Variants in ZNF827 observed in about 807,000 individuals in gnomAD.
ZNF827 encodes the protein zinc finger protein 827.
Under a neutral mutation model 102.4 loss-of-function variants are expected in ZNF827, and 13 were observed. The observed-to-expected ratio is 0.13, with a 90% CI of 0.08 to 0.20. The LOEUF (loss-of-function observed/expected upper bound fraction) is 0.20. Ranked by LOEUF, ZNF827 falls within the 10% of genes least tolerant of loss-of-function variation. ZNF827 has a pLI of 1.00. For missense variants in ZNF827, 1,103 were observed against 1,344.4 expected (o/e 0.82, Z 2.81); for synonymous variants, 523 against 536.2 (o/e 0.98, Z 0.34).
At chr4:145,785,554 C>G (rs896633489) in intron 8 of ZNF827, among the ~76,000 whole-genome samples, 35 of 152,088 alleles carry the variant, frequency 2.3e-4, no homozygotes, top group African/African-American at 8.5e-4. Context: ...AACTGTTGCC[C>G]AAGGTTGGGC....
chr4:145,859,652 T>A (rs947152636), intron 5 of ZNF827, among the ~76,000 whole-genome samples: 11 of 152,220 alleles, frequency 7.2e-5, no homozygotes, highest in African/African-American at 2.7e-4. Flanking sequence ...ACAAGTAGTG[T>A]AAGCGACTCA....
intron 1 of ZNF827, among the ~76,000 whole-genome samples, chr4:145,932,597 G>C (rs953978097): frequency 2.0e-5 from 3 of 151,524 alleles, no homozygotes; most frequent in Admixed American, 1.3e-4. Flanking sequence ...GCCTCAGCCT[G>C]CCGAGTAGCT....
chr4:145,802,039 C>A (rs768483019), intron 8 of ZNF827, among the ~76,000 whole-genome samples: 1 of 152,008 alleles, frequency 6.6e-6, no homozygotes, highest in Non-Finnish European at 1.5e-5. Flanking sequence ...TCTAATACAC[C>A]GAATAAGAAT....
chr4:145,903,728 G>A (rs974403294), intron 1 of ZNF827, among the ~76,000 whole-genome samples: 3 of 152,122 alleles, frequency 2.0e-5, no homozygotes, highest in African/African-American at 7.2e-5. Context: ...AATATAAGAT[G>A]CAATTCATTT....
intron 1 of ZNF827, among the ~76,000 whole-genome samples, chr4:145,932,655 T>C (rs1753897615): frequency 6.6e-6 from 1 of 152,156 alleles, no homozygotes; most frequent in Non-Finnish European, 1.5e-5. Flanking sequence ...TTTGTGTTTT[T>C]AGTAGAGACG....
chr4:145,858,405 G>T (rs1241141937), intron 5 of ZNF827, among the ~76,000 whole-genome samples: 2 of 152,172 alleles, frequency 1.3e-5, no homozygotes, highest in Non-Finnish European at 2.9e-5. Flanking sequence ...GGCAAAGTGG[G>T]AGGACTGCTT....
chr4:145,916,363 T>G (rs1427100601), intron 1 of ZNF827, among the ~76,000 whole-genome samples: 7 of 152,138 alleles, frequency 4.6e-5, no homozygotes, highest in Non-Finnish European at 1.0e-4. Context: ...CTGTGACACC[T>G]GGGGTGAACT....
chr4:145,933,038 A>G (rs1300382888), intron 1 of ZNF827, among the ~76,000 whole-genome samples: 1 of 152,224 alleles, frequency 6.6e-6, no homozygotes, highest in Admixed American at 6.5e-5. Context: ...GTGCAGCAAG[A>G]CTTGTCAACT....
At chr4:145,888,839 A>G (rs10003835) in intron 3 of ZNF827, among the ~76,000 whole-genome samples, 68,127 of 151,746 alleles carry the variant, frequency 0.45, 15,490 homozygotes, top group Admixed American at 0.54. Context: ...AGATAACCCC[A>G]AGGAAATCTG....
intron 1 of ZNF827, among the ~76,000 whole-genome samples, chr4:145,916,448 G>A (rs1406779003): frequency 1.3e-5 from 2 of 152,184 alleles, no homozygotes; most frequent in Non-Finnish European, 2.9e-5. Flanking sequence ...AGTGTCTCAA[G>A]GGCACCCGAG....
intron 1 of ZNF827, among the ~76,000 whole-genome samples, chr4:145,926,749 A>C (rs1369376970): frequency 6.6e-6 from 1 of 152,160 alleles, no homozygotes; most frequent in Admixed American, 6.5e-5. Flanking sequence ...TTAATAGTTA[A>C]TATTTGTGTT....
Position 145,900,598 on chromosome 4 carries a change from C to T in ZNF827, c.1093+1568G>A, listed in dbSNP as rs189832386. Among the ~76,000 whole-genome samples the T allele has an allele frequency of 1.9e-4, 29 of 151,948 alleles. No homozygotes were observed. The East Asian group carries it at 4.7e-3, about 24-fold the overall frequency. ...TTAATTTTTGTATTTTTAGTAGAGACGGAGTTTCACCATATTGGTCAGGAT... is the reference window on the plus strand; with the variant it reads ...TTAATTTTTGTATTTTTAGTAGAGATGGAGTTTCACCATATTGGTCAGGAT... On this transcript the variant is annotated intron_variant, in intron 2 of 14. Transcript: ENST00000508784.
intron 5 of ZNF827, among the ~76,000 whole-genome samples, chr4:145,861,355 T>C (rs902372652): frequency 6.6e-6 from 1 of 152,178 alleles, no homozygotes; most frequent in Non-Finnish European, 1.5e-5. Flanking sequence ...AAACCTAGAA[T>C]GGTGCAAGGT....
intron 8 of ZNF827, among the ~76,000 whole-genome samples, chr4:145,792,137 T>C (rs1739798328): frequency 6.6e-6 from 1 of 152,174 alleles, no homozygotes; most frequent in South Asian, 2.1e-4. Flanking sequence ...GCCAATACCA[T>C]GTGTTAAATG....
chr4:145,802,204 T>C (rs1740980973), intron 8 of ZNF827, among the ~76,000 whole-genome samples: 1 of 152,212 alleles, frequency 6.6e-6, no homozygotes, highest in African/African-American at 2.4e-5. Flanking sequence ...CACTTTATCA[T>C]TACTTTAAGA....
At chr4:145,798,446 G>A (rs773554380) in intron 8 of ZNF827, among the ~76,000 whole-genome samples, 1 of 152,170 alleles carries the variant, frequency 6.6e-6, no homozygotes, top group Non-Finnish European at 1.5e-5. Context: ...TGGGCAGATC[G>A]CCTGAGATCA....
At chr4:145,785,012 C>T (rs1469453405) in intron 8 of ZNF827, among the ~76,000 whole-genome samples, 1 of 152,194 alleles carries the variant, frequency 6.6e-6, no homozygotes, top group Non-Finnish European at 1.5e-5. Flanking sequence ...TACTTTTCCA[C>T]CTATGATGTT....
chr4:145,899,712 T>A (rs1281251555), intron 2 of ZNF827, among the ~76,000 whole-genome samples: 8 of 152,324 alleles, frequency 5.3e-5, no homozygotes, highest in East Asian at 1.9e-4. Flanking sequence ...AAAGATTTTT[T>A]AAATAAAATT....
chr4:145,834,135 C>G (rs1436161271), intron 7 of ZNF827, among the ~76,000 whole-genome samples: 1 of 152,208 alleles, frequency 6.6e-6, no homozygotes, highest in African/African-American at 2.4e-5. Flanking sequence ...CCAATACAAA[C>G]TCGACAGTAG....
Sources: allele counts gnomAD v4.1 joint callset (sites outside exome capture counted in the v4.1 genomes callset), GRCh38; gene constraint gnomAD v4.1.1; transcripts MANE v1.5; gene names NCBI Gene and HGNC (gene_info 2026-07-23, HGNC 2026-07-21).